Variants in FAM210A observed in about 807,000 individuals in gnomAD.
FAM210A encodes mitochondrial inner membrane scaffold 1.
FAM210A carries 13 observed loss-of-function variants against 25.3 expected under a neutral mutation model. The ratio of observed to expected loss-of-function variants is 0.51; its 90% CI spans 0.33 to 0.82. The LOEUF (loss-of-function observed/expected upper bound fraction) is 0.82, where lower values mean the gene tolerates loss of function less well. Among genes scored for constraint, FAM210A ranks in the 40% least tolerant of loss-of-function variants. FAM210A has a pLI of 0.02. For synonymous variants in FAM210A, 125 were observed against 118.7 expected, an observed-to-expected ratio of 1.05 and a Z score of -0.35; for missense variants, 319 against 323.2, an observed-to-expected ratio of 0.99 and a Z score of 0.10.
intron 1 of FAM210A, chr18:13,687,924 T>C (rs1242809507): frequency 6.6e-6 from 1 of 152,176 alleles, no homozygotes; most frequent in African/African-American, 2.4e-5. Context: ...CCCGCATGAA[T>C]TGGCCACTGG....
intron 1 of FAM210A, among the ~76,000 whole-genome samples, chr18:13,693,628 A>C (rs2043668278): frequency 6.6e-6 from 1 of 152,218 alleles, no homozygotes; most frequent in Non-Finnish European, 1.5e-5. Flanking sequence ...ATATAAACAG[A>C]ACCAAAGACA....
chr18:13,665,538 G>C lies in FAM210A; in HGVS notation c.*942C>G, dbSNP rs1317581467. 6.6e-6 allele frequency: 1 copy of C among 151,920 alleles called. No individual in the cohort carries two copies. The highest frequency in any genetic ancestry group is 6.6e-5 in the Admixed American group (1 of 15,250). The allele number at this position is 151,920 out of a possible 1,614,324, so 9.4% of individuals were successfully genotyped here. ...ACTAAGACATTGGGAAATTGCACTG[G>C]TTTGCTGAGGCAAGGCCCATGTCTA... On this transcript the variant is annotated 3_prime_UTR_variant, in exon 4 of 4. Coordinates refer to ENST00000651643, the MANE Select transcript of FAM210A (RefSeq NM_152352.4).
intron 1 of FAM210A, among the ~76,000 whole-genome samples, chr18:13,690,027 C>T (rs904188678): frequency 9.8e-5 from 15 of 152,318 alleles, no homozygotes; most frequent in African/African-American, 3.1e-4. Flanking sequence ...CCGTGACAGA[C>T]GGTACGTGGA....
At chr18:13,686,318 C>T (rs1364658786) in intron 1 of FAM210A, among the ~76,000 whole-genome samples, 2 of 151,488 alleles carry the variant, frequency 1.3e-5, no homozygotes, top group Non-Finnish European at 2.9e-5. Flanking sequence ...GCTGTGTATT[C>T]ACCTCTTGAA....
At position 13,712,508 on chromosome 18, in the gene FAM210A, T is replaced by C. The variant is rs370673908; in HGVS notation, c.-29+13821A>G. 3.3e-5 allele frequency among the ~76,000 whole-genome samples: 5 copies of C among 152,234 alleles called. No individual in the cohort carries two copies. In the South Asian group the frequency reaches 6.2e-4, roughly 19 times the overall value. ...AAGTCCTAACCTCCAAATTATGACA[T>C]TAGGAGGTAGGGCTTTCGGGGAGGT... On this transcript the variant is annotated intron_variant, in intron 1 of 3. Transcript: ENST00000651643.
chr18:13,666,387 C>T lies in FAM210A; in HGVS notation c.*93G>A. 1 of 1,031,712 alleles carries T rather than the reference C, an allele frequency of 9.7e-7. No homozygotes were observed. The highest frequency in any genetic ancestry group is 1.6e-5 in the South Asian group (1 of 60,968). The allele number at this position is 1,031,712 out of a possible 1,614,324, so 63.9% of individuals were successfully genotyped here. A position where few individuals can be genotyped will look rare whatever the true frequency, so the allele number is the denominator to read the frequency against. On this transcript the variant is annotated 3_prime_UTR_variant, in exon 4 of 4. Transcript: ENST00000651643. ...TCAGAGAACTAGTATATTTCGGCAA[C>T]TAACCAAAAAAATAATCAGACACAT...
chr18:13,680,312 A>G (rs2043541550), intron 2 of FAM210A, among the ~76,000 whole-genome samples: 1 of 152,250 alleles, frequency 6.6e-6, no homozygotes, highest in East Asian at 1.9e-4. Context: ...AATGTCATTA[A>G]TAAACCAAGA....
At chr18:13,689,443 A>C (rs1173107044) in intron 1 of FAM210A, among the ~76,000 whole-genome samples, 1 of 152,222 alleles carries the variant, frequency 6.6e-6, no homozygotes, top group African/African-American at 2.4e-5. Flanking sequence ...ACCTATTCCC[A>C]ACACCTATTC....
intron 1 of FAM210A, chr18:13,697,510 G>C (rs1046142804): frequency 1.2e-5 from 2 of 166,048 alleles, no homozygotes; most frequent in Non-Finnish European, 2.5e-5. Context: ...TTGGAAGAGA[G>C]TTTAACAGGT....
rs1285578976 is a variant in FAM210A at position 13,674,195 on chromosome 18, C to T, written c.474-2222G>A. ...TCCTGAGCCCTGGCTTCTTTATTTCCTGTTTCCTGATTATTAACATTCCTG... is the reference window on the plus strand; with the variant it reads ...TCCTGAGCCCTGGCTTCTTTATTTCTTGTTTCCTGATTATTAACATTCCTG... On this transcript the variant is annotated intron_variant, in intron 2 of 3. Transcript: ENST00000651643. Among the ~76,000 whole-genome samples, 10 of 139,670 alleles carry T rather than the reference C, an allele frequency of 7.2e-5. No homozygotes were observed. The East Asian group carries it at 1.6e-3, about 22-fold the overall frequency. The allele number at this position is 139,670 out of a possible 152,430, so 91.6% of individuals were successfully genotyped here.
intron 1 of FAM210A, among the ~76,000 whole-genome samples, chr18:13,691,425 A>G (rs1444660842): frequency 6.6e-6 from 1 of 152,158 alleles, no homozygotes; most frequent in Non-Finnish European, 1.5e-5. Flanking sequence ...GATACTCCAC[A>G]AGAAGAGCAA....
At chr18:13,703,409 T>G (rs999462746) in intron 1 of FAM210A, among the ~76,000 whole-genome samples, 1 of 152,230 alleles carries the variant, frequency 6.6e-6, no homozygotes, top group African/African-American at 2.4e-5. Flanking sequence ...TGATTGGTTT[T>G]GGGATGCCAT....
chr18:13,677,426 TGATC>T lies in FAM210A; in HGVS notation c.473+4175_473+4178del, dbSNP rs72203576. ...TAAGGGGGTCCGCGTGAGAGGGTCGTGATCGACTGAGTAAGCAGGGGGTACGTGA... is the reference window on the plus strand; with the variant it reads ...TAAGGGGGTCCGCGTGAGAGGGTCGTGACTGAGTAAGCAGGGGGTACGTGA... On this transcript the variant is annotated intron_variant, in intron 2 of 3. Transcript: ENST00000651643. Among the ~76,000 whole-genome samples the T allele has an allele frequency of 6.0e-3, 913 of 152,302 alleles. 5 individuals are homozygous for T. The highest frequency in any genetic ancestry group is 0.02 in the Middle Eastern group (6 of 294).
At chr18:13,669,890 T>C (rs955204946) in intron 3 of FAM210A, among the ~76,000 whole-genome samples, 4 of 152,228 alleles carry the variant, frequency 2.6e-5, no homozygotes, top group Non-Finnish European at 5.9e-5. Context: ...TTGGGGACTT[T>C]GTCTTGTTGA....
chr18:13,709,302 C>T (rs1378965827), intron 1 of FAM210A, among the ~76,000 whole-genome samples: 2 of 152,230 alleles, frequency 1.3e-5, no homozygotes, highest in Non-Finnish European at 2.9e-5. Context: ...CACACCCCTA[C>T]CCATGACGGC....
At chr18:13,671,774 A>G (rs1439635507) in intron 3 of FAM210A, 88 bp downstream of exon 3, 14 of 764,084 alleles carry the variant, frequency 1.8e-5, no homozygotes, top group African/African-American at 1.4e-4. Context: ...ACGAAATACA[A>G]TTGGAAGCTA....
Position 13,666,621 on chromosome 18 carries a change from T to C in FAM210A, c.678A>G (p.Pro226=). 6.2e-7 allele frequency: 1 copy of C among 1,614,216 alleles called. No individual in the cohort carries two copies. Among genetic ancestry groups the C allele is most frequent in the Middle Eastern group, 1.6e-4 (1 of 6,062 alleles). ...LRSHGYMSTP[P]PVKEYLQDRM... ...TGTCCTGCAGATACTCCTTGACGGG[T>C]GGCGGCGTGGACATGTAGCCATGAC... The change falls in exon 4 of 4, where the codon CCA becomes CCG. Residue 226 remains proline, a synonymous_variant. Transcript: ENST00000651643.
intron 1 of FAM210A, among the ~76,000 whole-genome samples, chr18:13,700,710 G>T (rs891665397): frequency 6.6e-6 from 1 of 152,172 alleles, no homozygotes; most frequent in Non-Finnish European, 1.5e-5. Context: ...GGCCTAAGAA[G>T]GACTCCATAC....
chr18:13,709,332 C>T (rs2043804628), intron 1 of FAM210A, among the ~76,000 whole-genome samples: 1 of 152,210 alleles, frequency 6.6e-6, no homozygotes, highest in African/African-American at 2.4e-5. Flanking sequence ...AGTGTTCTTG[C>T]TCACTCTGCT....
Sources: gnomAD v4.1 joint callset for allele counts (sites outside exome capture counted in the v4.1 genomes callset) on GRCh38, gnomAD v4.1.1 for gene constraint, MANE v1.5 for transcripts, NCBI Gene and HGNC (gene_info 2026-07-23, HGNC 2026-07-21) for gene names.